SDK2: variants seen among roughly 807,000 people sequenced by gnomAD.
SDK2 encodes sidekick cell adhesion molecule 2.
Under a neutral mutation model 253.9 loss-of-function variants are expected in SDK2, and 105 were observed. The ratio of observed to expected loss-of-function variants is 0.41; its 90% CI spans 0.35 to 0.49. The LOEUF is 0.49. Among genes scored for constraint, SDK2 ranks in the 20% least tolerant of loss-of-function variants. The pLI is 0.06. For missense variants in SDK2, 2,608 were observed against 3,003.0 expected, an observed-to-expected ratio of 0.87 and a Z score of 3.07; for synonymous variants, 1,249 against 1,234.9, an observed-to-expected ratio of 1.01 and a Z score of -0.24.
chr17:73,352,445 C>G lies in SDK2; in HGVS notation c.5758+28G>C. 6.3e-7 allele frequency: 1 copy of G among 1,595,308 alleles called. No homozygotes were observed. Among genetic ancestry groups the G allele is most frequent in the South Asian group, 1.1e-5 (1 of 88,658 alleles). ...CCCCCAGGCTCTGCTGTGGGGCTCC[C>G]CCACTCCCTCAGCCCCCAGGCCGGT... is the stretch of plus-strand genomic sequence containing the variant. On this transcript the variant is annotated intron_variant, in intron 41 of 44. Transcript: ENST00000392650. The surrounding 1 kb of genome is among the most constrained non-coding windows in gnomAD (Gnocchi z 4.1).
chr17:73,521,829 C>T (rs1188351255), intron 1 of SDK2, among the ~76,000 whole-genome samples: 2 of 152,188 alleles, frequency 1.3e-5, no homozygotes, highest in African/African-American at 2.4e-5. Flanking sequence ...ACCTCCCTTG[C>T]TGGGTTTTGT....
chr17:73,490,259 C>T lies in SDK2; in HGVS notation c.224+17179G>A, dbSNP rs565084150. On this transcript the variant is annotated intron_variant, in intron 2 of 44. Transcript: ENST00000392650. The stretch of plus-strand genomic sequence containing the variant: ...AACTCACAGTGGGTGATCAAGAAGC[C>T]GGGGCAGGCCCACTGCTTGCAGGGC... 1.1e-4 allele frequency among the ~76,000 whole-genome samples: 17 copies of T among 152,304 alleles called. No individual in the cohort carries two copies. The East Asian group carries it at 1.7e-3, about 16-fold the overall frequency.
At chr17:73,520,460 T>G (rs2064069231) in intron 1 of SDK2, 1 of 150,220 alleles carries the variant, frequency 6.7e-6, no homozygotes, top group Admixed American at 6.6e-5. Context: ...GGGAGTCCCG[T>G]CTCTCCTCAG....
rs920622219 is a variant in SDK2, at chr17:73,616,903, C to T, written c.64+27122G>A. Among the ~76,000 whole-genome samples the T allele has an allele frequency of 6.6e-6, 1 of 151,616 alleles. No individual in the cohort carries two copies. Among genetic ancestry groups the T allele is most frequent in the African/African-American group, 2.4e-5 (1 of 41,250 alleles). ...GAATGCAGAGGGGAGACAAAGTGGG[C>T]GGAGAGACAGCTCTCCTAGGGAGAG... On this transcript the variant is annotated intron_variant, in intron 1 of 44. Coordinates refer to ENST00000392650, the MANE Select transcript of SDK2 (RefSeq NM_001144952.2). The surrounding 1 kb of genome is among the most constrained non-coding windows in gnomAD (Gnocchi z 5.2).
At chr17:73,378,831 G>A (rs903291433) in intron 36 of SDK2, among the ~76,000 whole-genome samples, 2 of 150,544 alleles carry the variant, frequency 1.3e-5, no homozygotes, top group African/African-American at 5.0e-5. Flanking sequence ...CCCTTGGAGG[G>A]TCTTAAGTTA....
intron 1 of SDK2, among the ~76,000 whole-genome samples, chr17:73,548,510 C>T (rs1324887256): frequency 6.6e-6 from 1 of 152,258 alleles, no homozygotes; most frequent in East Asian, 1.9e-4. Flanking sequence ...GACAGATAAT[C>T]CTGATCCCAT....
intron 1 of SDK2, among the ~76,000 whole-genome samples, chr17:73,605,482 G>A (rs558941548): frequency 3.0e-4 from 46 of 152,246 alleles, no homozygotes; most frequent in African/African-American, 1.1e-3. Context: ...TCATGTCTTG[G>A]AGAAGGCAGT....
At chr17:73,540,150 G>A (rs889625172) in intron 1 of SDK2, among the ~76,000 whole-genome samples, 3 of 152,194 alleles carry the variant, frequency 2.0e-5, no homozygotes, top group Non-Finnish European at 4.4e-5. Flanking sequence ...GTGAACCACG[G>A]TACCCAGGAT....
intron 40 of SDK2, among the ~76,000 whole-genome samples, chr17:73,356,084 G>A (rs1254780059): frequency 6.6e-6 from 1 of 152,206 alleles, no homozygotes; most frequent in East Asian, 1.9e-4. Context: ...AAGGCCTGGA[G>A]GAAGCTTCAC....
At chr17:73,640,396 C>T (rs901610475) in intron 1 of SDK2, among the ~76,000 whole-genome samples, 1 of 152,082 alleles carries the variant, frequency 6.6e-6, no homozygotes, top group Admixed American at 6.5e-5. Context: ...AAGCACCAAG[C>T]TGTATCCCTC....
intron 36 of SDK2, 93 bp from the exon 37 acceptor site, chr17:73,368,686 T>C: frequency 1.8e-6 from 2 of 1,099,746 alleles, no homozygotes; most frequent in South Asian, 3.5e-5. Flanking sequence ...GACACCTTCA[T>C]TGCTGTGAGT....
At chr17:73,486,211 C>T (rs983372266) in intron 2 of SDK2, among the ~76,000 whole-genome samples, 23 of 151,986 alleles carry the variant, frequency 1.5e-4, no homozygotes, top group Admixed American at 1.3e-4. Flanking sequence ...GAGTGGCTCC[C>T]GGCAAGAGAG....
rs191213801 is a variant in SDK2 at position 73,437,865 on chromosome 17, G to T, written c.917-43C>A. 2.5e-6 allele frequency: 4 copies of T among 1,609,694 alleles called. No homozygotes were observed. In the Admixed American group the frequency reaches 6.7e-5, roughly 27 times the overall value. The stretch of plus-strand genomic sequence containing the variant: ...AGGGGAGGGGGTCAGAGCCATGCTC[G>T]CTTTGATCCAGCCACTGTAGGGGGT... On this transcript the variant is annotated intron_variant, in intron 7 of 44. Transcript: ENST00000392650.
At chr17:73,531,413 C>A (rs935471981) in intron 1 of SDK2, among the ~76,000 whole-genome samples, 1 of 152,214 alleles carries the variant, frequency 6.6e-6, no homozygotes, top group South Asian at 2.1e-4. Flanking sequence ...TGACCACCCA[C>A]TCACCCCCAG....
At position 73,644,201 on chromosome 17, in the gene SDK2, C is replaced by G; in HGVS notation, c.-113G>C. 1 of 849,230 alleles carries G rather than the reference C, an allele frequency of 1.2e-6. No individual in the cohort carries two copies. The highest frequency in any genetic ancestry group is 1.6e-5 in the South Asian group (1 of 61,808). The allele number at this position is 849,230 out of a possible 1,614,324, so 52.6% of individuals were successfully genotyped here. On this transcript the variant is annotated 5_prime_UTR_variant, in exon 1 of 45. Transcript: ENST00000392650. This position sits in a 1 kb window ranked among gnomAD's most constrained non-coding sequence, Gnocchi z 6.3. The stretch of plus-strand genomic sequence containing the variant: ...AGTCCCAGGAAACAGTCAGTCTACG[C>G]GGCTCCGTGCCCCGGGGTGTAATAT...
chr17:73,472,824 G>A lies in SDK2; in HGVS notation c.225-606C>T, dbSNP rs1312619697. On this transcript the variant is annotated intron_variant, in intron 2 of 44. Coordinates refer to ENST00000392650, the MANE Select transcript of SDK2 (RefSeq NM_001144952.2). ...CTTTCCATGATGTTCTCGTGATAGTGAATAAGTCTCACGTGATCTGATGGT... is the reference window on the plus strand; with the variant it reads ...CTTTCCATGATGTTCTCGTGATAGTAAATAAGTCTCACGTGATCTGATGGT... Among the ~76,000 whole-genome samples, 5 of 152,284 alleles carry A rather than the reference G, an allele frequency of 3.3e-5. No homozygotes were observed. In the East Asian group the frequency reaches 5.8e-4, roughly 18 times the overall value.
chr17:73,541,828 CGA>C lies in SDK2; in HGVS notation c.65-34233_65-34232del, dbSNP rs377064136. On this transcript the variant is annotated intron_variant, in intron 1 of 44. Transcript: ENST00000392650. This position sits in a 1 kb window ranked among gnomAD's most constrained non-coding sequence, Gnocchi z 4.3. Reference sequence around the variant, plus strand: ...GGAAAATTCAAAATGTATTTAGAGCCGAGTGGAAGATCCTCGTCAATCGGGCT... The same window carrying C: ...GGAAAATTCAAAATGTATTTAGAGCCGTGGAAGATCCTCGTCAATCGGGCT... Among the ~76,000 whole-genome samples the C allele has an allele frequency of 2.0e-5, 3 of 152,216 alleles. No individual in the cohort carries two copies. The highest frequency in any genetic ancestry group is 3.4e-3 in the Middle Eastern group (1 of 294).
chr17:73,594,416 C>G (rs954914065), intron 1 of SDK2, among the ~76,000 whole-genome samples: 1 of 152,046 alleles, frequency 6.6e-6, no homozygotes, highest in Non-Finnish European at 1.5e-5. Flanking sequence ...CCCTAAGACC[C>G]TAGAGGCAAG....
At chr17:73,580,876 C>T (rs527267278) in intron 1 of SDK2, among the ~76,000 whole-genome samples, 186 of 152,238 alleles carry the variant, frequency 1.2e-3, no homozygotes, top group Middle Eastern at 3.4e-3. Flanking sequence ...ACATGACATT[C>T]AAAGGAAACG....
Sources: allele counts gnomAD v4.1 joint callset (sites outside exome capture counted in the v4.1 genomes callset), GRCh38; gene constraint gnomAD v4.1.1; non-coding constraint Gnocchi (gnomAD v3.1); transcripts MANE v1.5; gene names NCBI Gene and HGNC (gene_info 2026-07-23, HGNC 2026-07-21).